The following ZNF783 variants were observed in gnomAD, a reference collection of about 807,000 sequenced individuals.
The protein encoded by ZNF783 is protein ZNF783.
ZNF783 carries 25 observed loss-of-function variants against 31.3 expected under a neutral mutation model. The observed-to-expected ratio is 0.80, with a 90% CI of 0.58 to 1.11. The LOEUF is 1.11. ZNF783 is among the 50% of genes most tolerant of loss of function. The probability of loss-of-function intolerance (pLI) is 0.00; values close to 1 mark genes in which losing one functional copy is unlikely to be tolerated. For synonymous variants in ZNF783, 369 were observed against 319.1 expected (o/e 1.16, Z -1.66); for missense variants, 797 against 760.0 (o/e 1.05, Z -0.57).
intron 3 of ZNF783, 74 bp from the exon 4 acceptor site, chr7:149,267,023 G>A: frequency 6.2e-7 from 1 of 1,611,842 alleles, no homozygotes; most frequent in South Asian, 1.1e-5. Context: ...TTTGGCTTTT[G>A]GTACTTTGGG....
chr7:149,283,228 C>T lies in ZNF783; in HGVS notation c.*885C>T, dbSNP rs1797527448. On this transcript the variant is annotated 3_prime_UTR_variant, in exon 6 of 6. Coordinates refer to ENST00000434415, the MANE Select transcript of ZNF783 (RefSeq NM_001195220.2). Reference sequence around the variant, plus strand: ...TTAGGTGACCCGCACACCTCGGCCTCCTGAAGTGCTGGGATTACAGGCGTG... The same window carrying T: ...TTAGGTGACCCGCACACCTCGGCCTTCTGAAGTGCTGGGATTACAGGCGTG... The T allele has an allele frequency of 1.3e-5, 2 of 152,040 alleles. No individual in the cohort carries two copies. Among genetic ancestry groups the T allele is most frequent in the Admixed American group, 1.3e-4 (2 of 15,258 alleles). 9.4% of individuals were successfully genotyped at this position (152,040 alleles called of 1,614,324 possible).
intron 5 of ZNF783, among the ~76,000 whole-genome samples, chr7:149,280,107 C>T (rs1353472876): frequency 1.0e-4 from 11 of 104,800 alleles, no homozygotes; most frequent in African/African-American, 3.4e-4. Flanking sequence ...GCTGACCCCC[C>T]CACCTCCCTC....
chr7:149,279,588 GTCTT>G (rs1320605974), intron 5 of ZNF783, among the ~76,000 whole-genome samples: 3 of 150,052 alleles, frequency 2.0e-5, no homozygotes, highest in Admixed American at 6.6e-5. Flanking sequence ...CCCTCGCCGA[GTCTT>G]TCTCACGTGG....
chr7:149,274,676 T>A (rs1330613602), intron 4 of ZNF783, among the ~76,000 whole-genome samples: 5 of 152,268 alleles, frequency 3.3e-5, no homozygotes, highest in Non-Finnish European at 7.3e-5. Flanking sequence ...TAATATGTGT[T>A]CTTGACACCT....
At chr7:149,262,729 A>G (rs968890548) in intron 1 of ZNF783, among the ~76,000 whole-genome samples, 4 of 152,292 alleles carry the variant, frequency 2.6e-5, no homozygotes, top group East Asian at 1.9e-4. Flanking sequence ...CCCACGGGAC[A>G]GTAGCGGAGG....
rs189799694 is a variant in ZNF783 at position 149,272,320 on chromosome 7, A to G, written c.673+5098A>G. Among the ~76,000 whole-genome samples the G allele has an allele frequency of 3.3e-4, 50 of 152,342 alleles. 1 individual carries two copies. Among genetic ancestry groups the G allele is most frequent in the African/African-American group, 1.2e-3 (48 of 41,572 alleles). On this transcript the variant is annotated intron_variant, in intron 4 of 5. Coordinates refer to ENST00000434415, the MANE Select transcript of ZNF783 (RefSeq NM_001195220.2). ...GAGCCACTGTGCCTAGCCCCAATGT[A>G]TCTTTGAGATGTAATCCTGGAAGTT...
intron 4 of ZNF783, among the ~76,000 whole-genome samples, chr7:149,270,660 CTTT>C (rs775789243): frequency 6.6e-6 from 1 of 152,134 alleles, no homozygotes; most frequent in East Asian, 1.9e-4. Context: ...GTGGGAGCCT[CTTT>C]TTTAAGTTGG....
At chr7:149,264,872 CAAAA>C (rs56837970) in intron 1 of ZNF783, among the ~76,000 whole-genome samples, 1 of 53,022 alleles carries the variant, frequency 1.9e-5, no homozygotes, top group Non-Finnish European at 3.8e-5. Flanking sequence ...GACTCCGTCT[CAAAA>C]AAAAAAAAAA....
chr7:149,281,796 C>G lies in ZNF783; in HGVS notation c.1094C>G (p.Thr365Arg), dbSNP rs777719517. The G allele has an allele frequency of 6.6e-7, 1 of 1,517,354 alleles. No homozygotes were observed. The highest frequency in any genetic ancestry group is 2.4e-5 in the East Asian group (1 of 42,422). 94.0% of individuals were successfully genotyped at this position (1,517,354 alleles called of 1,614,324 possible). A position where few individuals can be genotyped will look rare whatever the true frequency, so the allele number is the denominator to read the frequency against. ...AGCTTCCGCCTGAAGATCAATCTGA[C>G]GATTCATCAGCGGACCCATGTGGAG... ...GQSFRLKINL[T>R]IHQRTHVEEG... The change falls in exon 6 of 6, where the codon ACG (threonine) becomes AGG (arginine). Residue 365 changes from threonine to arginine, a missense_variant. Thr to Arg is a moderately conservative substitution (Grantham distance 71, BLOSUM62 -1). Transcript: ENST00000434415.
chr7:149,266,777 TG>T lies in ZNF783; in HGVS notation c.421-41del, dbSNP rs770769313. The T allele has an allele frequency of 1.9e-6, 3 of 1,613,612 alleles. No homozygotes were observed. The East Asian group carries it at 6.7e-5, about 36-fold the overall frequency. ...GTGGGGGAGCTCGAGGGGCTGAGCCTGTGAGCGTGTGGGTGAGTGAGTGCGA... is the reference window on the plus strand; with the variant it reads ...GTGGGGGAGCTCGAGGGGCTGAGCCTTGAGCGTGTGGGTGAGTGAGTGCGA... On this transcript the variant is annotated intron_variant, in intron 2 of 5. Coordinates refer to ENST00000434415, the MANE Select transcript of ZNF783 (RefSeq NM_001195220.2).
chr7:149,265,767 G>C (rs1282667955), intron 1 of ZNF783, among the ~76,000 whole-genome samples: 1 of 152,180 alleles, frequency 6.6e-6, no homozygotes, highest in Non-Finnish European at 1.5e-5. Context: ...TGTACTAAGT[G>C]CTTTGTACAC....
chr7:149,280,134 G>C (rs1797430098), intron 5 of ZNF783, among the ~76,000 whole-genome samples: 1 of 149,192 alleles, frequency 6.7e-6, no homozygotes. Flanking sequence ...AGGGCGGCTG[G>C]CCGGGCGGGG....
Position 149,283,683 on chromosome 7 carries a change from T to G in ZNF783, c.*1340T>G, listed in dbSNP as rs1249430368. 2 of 152,168 alleles carry G rather than the reference T, an allele frequency of 1.3e-5. No homozygotes were observed. Among genetic ancestry groups the G allele is most frequent in the African/African-American group, 4.8e-5 (2 of 41,434 alleles). The allele number at this position is 152,168 out of a possible 1,614,324, so 9.4% of individuals were successfully genotyped here. On this transcript the variant is annotated 3_prime_UTR_variant, in exon 6 of 6. Coordinates refer to ENST00000434415, the MANE Select transcript of ZNF783 (RefSeq NM_001195220.2). ...GAGCACTTTGGGCTCTGGGGCAGAGTTGGGCTAGGAGATCTGGGTGAATCC... is the reference window on the plus strand; with the variant it reads ...GAGCACTTTGGGCTCTGGGGCAGAGGTGGGCTAGGAGATCTGGGTGAATCC...
chr7:149,279,644 T>TG (rs1335582133), intron 5 of ZNF783, among the ~76,000 whole-genome samples: 26 of 147,984 alleles, frequency 1.8e-4, no homozygotes, highest in African/African-American at 5.1e-4. Flanking sequence ...TTTTTTTTTT[T>TG]TTTTTTTTTT....
chr7:149,268,118 T>G (rs1340984044), intron 4 of ZNF783, among the ~76,000 whole-genome samples: 1 of 152,228 alleles, frequency 6.6e-6, no homozygotes, highest in African/African-American at 2.4e-5. Flanking sequence ...AATCTCCAAA[T>G]GATCGTCACC....
intron 1 of ZNF783, among the ~76,000 whole-genome samples, chr7:149,263,471 G>A (rs1192935794): frequency 6.6e-6 from 1 of 151,736 alleles, no homozygotes; most frequent in Non-Finnish European, 1.5e-5. Flanking sequence ...GATTACAGGC[G>A]CAGGTGCCTG....
At chr7:149,267,663 G>A (rs977907499) in intron 4 of ZNF783, among the ~76,000 whole-genome samples, 28 of 152,254 alleles carry the variant, frequency 1.8e-4, no homozygotes, top group African/African-American at 6.7e-4. Context: ...CGGGCGTGGT[G>A]GCAGGCGCCT....
intron 1 of ZNF783, among the ~76,000 whole-genome samples, chr7:149,264,918 G>A (rs1418956611): frequency 1.4e-5 from 2 of 145,204 alleles, no homozygotes; most frequent in East Asian, 4.2e-4. Context: ...TGTGGAAAGT[G>A]TATTGTCGGG....
chr7:149,282,603 A>C lies in ZNF783; in HGVS notation c.*260A>C, dbSNP rs1585623718. On this transcript the variant is annotated 3_prime_UTR_variant, in exon 6 of 6. Coordinates refer to ENST00000434415, the MANE Select transcript of ZNF783 (RefSeq NM_001195220.2). ...CCATATTTTTGATAAGGCCTCTGGTAGGTACCACAGCCAAGAGGACCAGAG... is the reference window on the plus strand; with the variant it reads ...CCATATTTTTGATAAGGCCTCTGGTCGGTACCACAGCCAAGAGGACCAGAG... The C allele has an allele frequency of 2.7e-5, 12 of 440,392 alleles. No homozygotes were observed. In the East Asian group the frequency reaches 4.2e-4, roughly 15 times the overall value. 27.3% of individuals were successfully genotyped at this position (440,392 alleles called of 1,614,324 possible).
Sources: allele counts gnomAD v4.1 joint callset (sites outside exome capture counted in the v4.1 genomes callset), GRCh38; gene constraint gnomAD v4.1.1; transcripts MANE v1.5; gene names NCBI Gene and HGNC (gene_info 2026-07-23, HGNC 2026-07-21).